PTPRM: variants seen among roughly 807,000 people sequenced by gnomAD.
PTPRM encodes the protein receptor-type tyrosine-protein phosphatase mu.
In PTPRM, 47 loss-of-function variants were observed where a neutral mutation model predicts 186.7. That is an observed-to-expected ratio of 0.25 (90% confidence interval 0.20 to 0.32). The LOEUF (loss-of-function observed/expected upper bound fraction) is 0.32, where lower values mean the gene tolerates loss of function less well. Among genes scored for constraint, PTPRM ranks in the 10% least tolerant of loss-of-function variants. The pLI is 1.00. For missense variants in PTPRM, 1,494 were observed against 1,865.0 expected (o/e 0.80, Z 3.66); for synonymous variants, 668 against 674.9 (o/e 0.99, Z 0.16).
chr18:8,374,857 G>A (rs916721824), intron 24 of PTPRM, among the ~76,000 whole-genome samples: 1 of 152,174 alleles, frequency 6.6e-6, no homozygotes, highest in African/African-American at 2.4e-5. Context: ...TAAAAATTCT[G>A]AATTTCTTCT....
intron 19 of PTPRM, among the ~76,000 whole-genome samples, chr18:8,260,617 C>T (rs1055639417): frequency 2.0e-5 from 3 of 152,188 alleles, no homozygotes; most frequent in Non-Finnish European, 4.4e-5. Context: ...CACTGCCACA[C>T]CAGGGACCAG....
At chr18:7,690,787 G>T (rs1568031995) in intron 1 of PTPRM, among the ~76,000 whole-genome samples, 1 of 152,134 alleles carries the variant, frequency 6.6e-6, no homozygotes, top group Non-Finnish European at 1.5e-5. Context: ...AAGCTCTTCA[G>T]GGAAAGCCTA....
chr18:8,170,419 C>T (rs1422776411), intron 14 of PTPRM, among the ~76,000 whole-genome samples: 1 of 150,992 alleles, frequency 6.6e-6, no homozygotes, highest in African/African-American at 2.4e-5. Context: ...ATGAGCTGAG[C>T]GTTTGTTGTT....
rs1601461618 is a variant in PTPRM at position 8,248,058 on chromosome 18, T to G, written c.2528-92T>G. 10 of 1,385,820 alleles carry G rather than the reference T, an allele frequency of 7.2e-6. No homozygotes were observed. In the South Asian group the frequency reaches 1.2e-4, roughly 16 times the overall value. 85.8% of individuals were successfully genotyped at this position (1,385,820 alleles called of 1,614,324 possible). A position where few individuals can be genotyped will look rare whatever the true frequency, so the allele number is the denominator to read the frequency against. On this transcript the variant is annotated intron_variant, in intron 16 of 32. Coordinates refer to ENST00000580170, the MANE Select transcript of PTPRM (RefSeq NM_001105244.2). ...AACCCAATGCGTTTCTACAGCTTTC[T>G]ATGCAGAAAATAGGGGTGGGCATTC... is the stretch of plus-strand genomic sequence containing the variant.
intron 11 of PTPRM, among the ~76,000 whole-genome samples, chr18:8,096,090 G>C (rs1235613235): frequency 1.3e-5 from 2 of 152,134 alleles, no homozygotes; most frequent in East Asian, 3.9e-4. Flanking sequence ...ATGACTGTAC[G>C]TGTTGAGGTG....
At chr18:7,910,523 C>T (rs1317235950) in intron 4 of PTPRM, among the ~76,000 whole-genome samples, 1 of 152,158 alleles carries the variant, frequency 6.6e-6, no homozygotes, top group Admixed American at 6.5e-5. Flanking sequence ...ACTTGGTGTA[C>T]ACCCTGTGTA....
At chr18:7,921,965 G>T (rs1024304404) in intron 4 of PTPRM, among the ~76,000 whole-genome samples, 1 of 152,190 alleles carries the variant, frequency 6.6e-6, no homozygotes. Flanking sequence ...TGCATTGAAG[G>T]GTTGGTTATT....
chr18:8,401,110 C>T lies in PTPRM; in HGVS notation c.4345-4999C>T, dbSNP rs200261333. On this transcript the variant is annotated intron_variant, in intron 32 of 32. Transcript: ENST00000580170. ...TCAGCACCAGCCAAGCGCCTGGCTC[C>T]CAGGAGTTTCCCAGTAAGCATTTTC... 2.6e-5 allele frequency among the ~76,000 whole-genome samples: 4 copies of T among 152,166 alleles called. No homozygotes were observed. The East Asian group carries it at 5.8e-4, about 22-fold the overall frequency.
intron 1 of PTPRM, among the ~76,000 whole-genome samples, chr18:7,758,313 G>A (rs1354052437): frequency 6.6e-6 from 1 of 152,216 alleles, no homozygotes; most frequent in Non-Finnish European, 1.5e-5. Context: ...ACAAAAGCTT[G>A]TAATCCAGAA....
At chr18:7,791,433 G>A (rs1258135942) in intron 2 of PTPRM, among the ~76,000 whole-genome samples, 2 of 152,164 alleles carry the variant, frequency 1.3e-5, no homozygotes, top group Non-Finnish European at 2.9e-5. Context: ...CAGCTTGGAG[G>A]TGGTTGGGTT....
At chr18:8,025,286 T>C (rs944396635) in intron 7 of PTPRM, among the ~76,000 whole-genome samples, 6 of 152,166 alleles carry the variant, frequency 3.9e-5, no homozygotes, top group Admixed American at 1.3e-4. Context: ...AAGAGCTGAC[T>C]TAAGTGACCA....
chr18:7,774,131 T>C lies in PTPRM; in HGVS notation c.74-18T>C, dbSNP rs927726032. On this transcript the variant is annotated intron_variant, in intron 1 of 32. Coordinates refer to ENST00000580170, the MANE Select transcript of PTPRM (RefSeq NM_001105244.2). ...TCTGGTTGGTATTTACATTACTTTTTATTCTTTTACATTTTAGGTGGCTGC... is the reference window on the plus strand; with the variant it reads ...TCTGGTTGGTATTTACATTACTTTTCATTCTTTTACATTTTAGGTGGCTGC... 2.5e-6 allele frequency: 4 copies of C among 1,599,226 alleles called. No homozygotes were observed. The African/African-American group carries it at 4.0e-5, about 16-fold the overall frequency.
intron 23 of PTPRM, among the ~76,000 whole-genome samples, chr18:8,354,225 A>AAT (rs397744165): frequency 6.6e-6 from 1 of 150,754 alleles, no homozygotes; most frequent in African/African-American, 2.4e-5. Context: ...AAAAAAAAAA[A>AAT]GTATAATGCA....
chr18:7,657,319 A>G (rs1005492050), intron 1 of PTPRM, among the ~76,000 whole-genome samples: 4 of 152,076 alleles, frequency 2.6e-5, no homozygotes, highest in Admixed American at 6.6e-5. Flanking sequence ...GCAGTCCACG[A>G]TGGGGGCCTC....
chr18:7,724,821 T>G (rs2040513873), intron 1 of PTPRM, among the ~76,000 whole-genome samples: 1 of 152,182 alleles, frequency 6.6e-6, no homozygotes, highest in African/African-American at 2.4e-5. Context: ...TGACTCATAA[T>G]GTTAGTTTTA....
chr18:7,867,040 CT>C (rs915953461), intron 2 of PTPRM, among the ~76,000 whole-genome samples: 10 of 152,044 alleles, frequency 6.6e-5, no homozygotes, highest in African/African-American at 2.2e-4. Context: ...TTTTGCTTTC[CT>C]TTTACTTGGA....
intron 2 of PTPRM, among the ~76,000 whole-genome samples, chr18:7,867,249 G>A (rs1466413932): frequency 6.6e-6 from 1 of 152,148 alleles, no homozygotes; most frequent in Admixed American, 6.5e-5. Context: ...TATGATGCTA[G>A]CTGGTTATTT....
At chr18:7,928,456 A>G (rs1242738076) in intron 5 of PTPRM, among the ~76,000 whole-genome samples, 1 of 152,192 alleles carries the variant, frequency 6.6e-6, no homozygotes, top group African/African-American at 2.4e-5. Flanking sequence ...TTCTCAGATA[A>G]TGGCTATTTG....
intron 7 of PTPRM, among the ~76,000 whole-genome samples, chr18:8,032,648 A>G (rs754718115): frequency 1.3e-5 from 2 of 152,156 alleles, no homozygotes; most frequent in Non-Finnish European, 2.9e-5. Context: ...ATGTGAAACT[A>G]ATAAAAAATA....
Sources: allele counts gnomAD v4.1 joint callset (sites outside exome capture counted in the v4.1 genomes callset), GRCh38; gene constraint gnomAD v4.1.1; transcripts MANE v1.5; gene names NCBI Gene and HGNC (gene_info 2026-07-23, HGNC 2026-07-21).